Variants in NRXN3 observed in about 807,000 individuals in gnomAD.
NRXN3 encodes neurexin III.
NRXN3 carries 32 observed loss-of-function variants against 137.6 expected under a neutral mutation model. The ratio of observed to expected loss-of-function variants is 0.23; its 90% CI spans 0.18 to 0.31. The LOEUF is 0.31. Among genes scored for constraint, NRXN3 ranks in the 10% least tolerant of loss-of-function variants. The probability of loss-of-function intolerance (pLI) is 1.00; values close to 1 mark genes in which losing one functional copy is unlikely to be tolerated. For missense variants in NRXN3, 1,574 were observed against 2,062.5 expected, an observed-to-expected ratio of 0.76 and a Z score of 4.59; for synonymous variants, 798 against 784.5, an observed-to-expected ratio of 1.02 and a Z score of -0.29.
intron 10 of NRXN3, among the ~76,000 whole-genome samples, chr14:78,913,637 GA>G (rs1249619561): frequency 6.6e-6 from 1 of 152,050 alleles, no homozygotes; most frequent in Non-Finnish European, 1.5e-5. Flanking sequence ...CTAATCTTTA[GA>G]AATGTTCATA....
chr14:78,260,419 G>C (rs2070493228), intron 2 of NRXN3, among the ~76,000 whole-genome samples: 1 of 152,166 alleles, frequency 6.6e-6, no homozygotes, highest in African/African-American at 2.4e-5. Context: ...GCAGACTTAG[G>C]ACTTACGCTT....
At chr14:78,919,325 C>T (rs2099264901) in intron 10 of NRXN3, among the ~76,000 whole-genome samples, 1 of 152,074 alleles carries the variant, frequency 6.6e-6, no homozygotes, top group African/African-American at 2.4e-5. Context: ...TGAAATATGG[C>T]ACCAAAACAC....
intron 15 of NRXN3, among the ~76,000 whole-genome samples, chr14:79,111,677 G>A (rs1259881036): frequency 1.3e-5 from 2 of 151,416 alleles, no homozygotes; most frequent in African/African-American, 4.9e-5. Flanking sequence ...GGTGGACGTT[G>A]CAGTGAGCTG....
chr14:79,437,242 A>G (rs2095859438), intron 15 of NRXN3, among the ~76,000 whole-genome samples: 1 of 152,046 alleles, frequency 6.6e-6, no homozygotes. Flanking sequence ...TTTCATGCAT[A>G]TAGTTCCCAG....
intron 20 of NRXN3, among the ~76,000 whole-genome samples, chr14:79,828,543 C>A (rs1202018176): frequency 6.8e-6 from 1 of 147,328 alleles, no homozygotes; most frequent in Non-Finnish European, 1.5e-5. Context: ...TTGCTTGAAC[C>A]CGGGAGGTGG....
At chr14:78,262,391 A>C (rs1437577884) in intron 2 of NRXN3, among the ~76,000 whole-genome samples, 1 of 152,144 alleles carries the variant, frequency 6.6e-6, no homozygotes, top group African/African-American at 2.4e-5. Flanking sequence ...CAGAATGCAG[A>C]ATCTTGGAGG....
At chr14:79,793,698 T>C (rs61992424) in intron 19 of NRXN3, among the ~76,000 whole-genome samples, 2,325 of 152,350 alleles carry the variant, frequency 0.015, 28 homozygotes, top group Middle Eastern at 0.031. Flanking sequence ...TTCTCTTTCT[T>C]CAATAGTCTA....
chr14:78,538,003 G>A (rs2096552846), intron 4 of NRXN3, among the ~76,000 whole-genome samples: 1 of 152,138 alleles, frequency 6.6e-6, no homozygotes, highest in South Asian at 2.1e-4. Context: ...TGCTGTTTTG[G>A]TTACTATAGC....
At chr14:79,828,640 A>G (rs907978131) in intron 20 of NRXN3, among the ~76,000 whole-genome samples, 3 of 106,896 alleles carry the variant, frequency 2.8e-5, no homozygotes, top group African/African-American at 1.1e-4. Context: ...AAAAAAAAAA[A>G]GTAAAATTGT....
At chr14:78,812,008 GT>G (rs201399327) in intron 10 of NRXN3, among the ~76,000 whole-genome samples, 274 of 151,898 alleles carry the variant, frequency 1.8e-3, no homozygotes, top group African/African-American at 6.2e-3. Flanking sequence ...TGGTTTGTTT[GT>G]TTTTTTAAGC....
intron 6 of NRXN3, among the ~76,000 whole-genome samples, chr14:78,702,871 T>A (rs747942315): frequency 2.0e-5 from 3 of 152,226 alleles, no homozygotes; most frequent in Non-Finnish European, 4.4e-5. Flanking sequence ...TCAGAAACTA[T>A]GTGAAGTACT....
chr14:79,221,167 G>A (rs1037374005), intron 15 of NRXN3, among the ~76,000 whole-genome samples: 31 of 152,172 alleles, frequency 2.0e-4, no homozygotes, highest in African/African-American at 7.5e-4. Flanking sequence ...TGGGCATTTA[G>A]GTTGGCTCCA....
chr14:79,229,587 A>G (rs1263118378), intron 15 of NRXN3, among the ~76,000 whole-genome samples: 1 of 152,164 alleles, frequency 6.6e-6, no homozygotes, highest in Non-Finnish European at 1.5e-5. Flanking sequence ...ATGGAGGAGT[A>G]AAGACAGATC....
At chr14:79,413,522 C>T (rs1852189874) in intron 15 of NRXN3, among the ~76,000 whole-genome samples, 1 of 152,028 alleles carries the variant, frequency 6.6e-6, no homozygotes, top group South Asian at 2.1e-4. Context: ...GACTACAAGA[C>T]TTCTGGACCC....
At chr14:79,466,330 G>A (rs556537217) in intron 15 of NRXN3, among the ~76,000 whole-genome samples, 2 of 152,352 alleles carry the variant, frequency 1.3e-5, no homozygotes, top group Non-Finnish European at 2.9e-5. Flanking sequence ...GCTCACGCCT[G>A]TAATCTCAGC....
intron 15 of NRXN3, among the ~76,000 whole-genome samples, chr14:79,403,930 A>G (rs746212889): frequency 6.6e-6 from 1 of 152,174 alleles, no homozygotes; most frequent in Non-Finnish European, 1.5e-5. Context: ...TTTTATTCAA[A>G]TCTTAACCCA....
In NRXN3 at chr14:79,764,848, C is replaced by T. The variant is rs1210407314; in HGVS notation, c.4015-40264C>T. ...GACCTGTTCTCAAGGCAGTGTTTAC[C>T]CTAGTGCATCTGCTAATTCCTTTCA... On this transcript the variant is annotated intron_variant, in intron 19 of 20. Coordinates refer to ENST00000335750, the MANE Select transcript of NRXN3 (RefSeq NM_001330195.2). Among the ~76,000 whole-genome samples the T allele has an allele frequency of 2.0e-5, 3 of 152,132 alleles. No homozygotes were observed. The East Asian group carries it at 5.8e-4, about 29-fold the overall frequency.
chr14:78,901,797 G>A (rs978288065), intron 10 of NRXN3, among the ~76,000 whole-genome samples: 3 of 151,970 alleles, frequency 2.0e-5, no homozygotes, highest in Non-Finnish European at 4.4e-5. Flanking sequence ...CTGTCCTGGG[G>A]TGCCTCTTAG....
At chr14:79,296,666 A>G (rs185214346) in intron 15 of NRXN3, among the ~76,000 whole-genome samples, 1 of 152,292 alleles carries the variant, frequency 6.6e-6, no homozygotes, top group East Asian at 1.9e-4. Context: ...TTGCCCTGTA[A>G]TTCTTTTATC....
Sources: gnomAD v4.1 joint callset for allele counts (sites outside exome capture counted in the v4.1 genomes callset) on GRCh38, gnomAD v4.1.1 for gene constraint, MANE v1.5 for transcripts, NCBI Gene and HGNC (gene_info 2026-07-23, HGNC 2026-07-21) for gene names.